ZNF804A: variants seen among roughly 807,000 people sequenced by gnomAD.
ZNF804A encodes the protein zinc finger protein 804A.
ZNF804A carries 2 observed loss-of-function variants against 16.5 expected under a neutral mutation model. The observed-to-expected ratio is 0.12, with a 90% confidence interval of 0.05 to 0.38. ZNF804A has a LOEUF of 0.38. ZNF804A is among the 10% of genes least tolerant of loss of function. ZNF804A has a pLI of 0.99. For synonymous variants in ZNF804A, 534 were observed against 489.6 expected, an observed-to-expected ratio of 1.09 and a Z score of -1.20; for missense variants, 1,473 against 1,390.7, an observed-to-expected ratio of 1.06 and a Z score of -0.94.
chr2:184,921,331 T>G (rs187383334), intron 2 of ZNF804A, among the ~76,000 whole-genome samples: 2 of 151,262 alleles, frequency 1.3e-5, no homozygotes, highest in South Asian at 2.1e-4. Context: ...ATTAGGTGAG[T>G]TTTTTTTTAC....
chr2:184,707,622 A>T (rs1693052008), intron 1 of ZNF804A, among the ~76,000 whole-genome samples: 1 of 152,058 alleles, frequency 6.6e-6, no homozygotes, highest in Admixed American at 6.6e-5. Flanking sequence ...ACACGATTTT[A>T]TTCTTTTTAT....
intron 1 of ZNF804A, among the ~76,000 whole-genome samples, chr2:184,698,785 T>C (rs1348024820): frequency 6.6e-6 from 1 of 152,052 alleles, no homozygotes; most frequent in Non-Finnish European, 1.5e-5. Flanking sequence ...CTGAAGAAGT[T>C]CTAAGTGTCA....
intron 1 of ZNF804A, among the ~76,000 whole-genome samples, chr2:184,754,103 G>T (rs191098231): frequency 6.6e-6 from 1 of 151,458 alleles, no homozygotes; most frequent in Non-Finnish European, 1.5e-5. Context: ...CCTTACTTGC[G>T]ACATAAGTTT....
Position 184,790,921 on chromosome 2 carries a change from A to G in ZNF804A, c.112-75448A>G, listed in dbSNP as rs146578716. ...CCCCGCCTCAAACCTTCATTATTATATAATGCCCTTCTTTGTCTTTTTCTC... is the reference window on the plus strand; with the variant it reads ...CCCCGCCTCAAACCTTCATTATTATGTAATGCCCTTCTTTGTCTTTTTCTC... On this transcript the variant is annotated intron_variant, in intron 1 of 3. Transcript: ENST00000302277. Among the ~76,000 whole-genome samples the G allele has an allele frequency of 1.8e-4, 28 of 152,270 alleles. 1 individual carries two copies. In the East Asian group the frequency reaches 4.2e-3, roughly 23 times the overall value.
chr2:184,761,733 G>A (rs560471706), intron 1 of ZNF804A, among the ~76,000 whole-genome samples: 2 of 152,124 alleles, frequency 1.3e-5, no homozygotes, highest in Admixed American at 6.6e-5. Context: ...AATATTAAGT[G>A]GCACAATGAA....
intron 2 of ZNF804A, among the ~76,000 whole-genome samples, chr2:184,888,766 A>G (rs1343934136): frequency 6.6e-6 from 1 of 152,144 alleles, no homozygotes; most frequent in Non-Finnish European, 1.5e-5. Flanking sequence ...AAAAGAAGAA[A>G]AAATGGTAGA....
intron 1 of ZNF804A, among the ~76,000 whole-genome samples, chr2:184,772,922 A>ACC (rs1558957381): frequency 9.0e-6 from 1 of 110,894 alleles, no homozygotes; most frequent in African/African-American, 3.3e-5. Flanking sequence ...ACACACACAC[A>ACC]CCCCACACAC....
intron 1 of ZNF804A, among the ~76,000 whole-genome samples, chr2:184,605,090 A>G (rs1216643983): frequency 1.3e-5 from 2 of 152,164 alleles, no homozygotes; most frequent in African/African-American, 4.8e-5. Flanking sequence ...TATTAAAAGT[A>G]TTATACATAG....
chr2:184,632,665 A>C (rs557318102), intron 1 of ZNF804A, among the ~76,000 whole-genome samples: 65 of 152,348 alleles, frequency 4.3e-4, no homozygotes, highest in African/African-American at 1.5e-3. Flanking sequence ...GGCGTAAGCC[A>C]CCTTGCCCAG....
At chr2:184,761,846 T>C (rs932860772) in intron 1 of ZNF804A, among the ~76,000 whole-genome samples, 2 of 152,140 alleles carry the variant, frequency 1.3e-5, no homozygotes, top group Non-Finnish European at 2.9e-5. Context: ...TTTTAGGATG[T>C]ATGGATCTGG....
chr2:184,794,220 C>T (rs1311128655), intron 1 of ZNF804A, among the ~76,000 whole-genome samples: 1 of 152,032 alleles, frequency 6.6e-6, no homozygotes, highest in Admixed American at 6.6e-5. Context: ...TCACTGCATC[C>T]ACGTCAACAT....
At chr2:184,848,416 G>C (rs1695554273) in intron 1 of ZNF804A, among the ~76,000 whole-genome samples, 1 of 151,920 alleles carries the variant, frequency 6.6e-6, no homozygotes, top group Non-Finnish European at 1.5e-5. Context: ...TTCTATCACT[G>C]TTTCTTCCTG....
chr2:184,872,088 T>C (rs1370983008), intron 2 of ZNF804A, among the ~76,000 whole-genome samples: 4 of 152,134 alleles, frequency 2.6e-5, no homozygotes, highest in Admixed American at 6.5e-5. Flanking sequence ...TAAAAGTAAA[T>C]GTTTTCATTA....
At chr2:184,897,455 C>T (rs1685087715) in intron 2 of ZNF804A, among the ~76,000 whole-genome samples, 1 of 151,454 alleles carries the variant, frequency 6.6e-6, no homozygotes, top group South Asian at 2.1e-4. Flanking sequence ...AATTTTTTCC[C>T]CTTTCCATAC....
intron 1 of ZNF804A, among the ~76,000 whole-genome samples, chr2:184,727,926 ACAT>A (rs967349151): frequency 1.3e-5 from 2 of 151,724 alleles, no homozygotes; most frequent in African/African-American, 4.8e-5. Flanking sequence ...CTGCCCAAGA[ACAT>A]TCAACTGGTA....
intron 1 of ZNF804A, among the ~76,000 whole-genome samples, chr2:184,771,016 A>C (rs531257922): frequency 1.6e-4 from 24 of 152,204 alleles, no homozygotes; most frequent in African/African-American, 5.5e-4. Flanking sequence ...CATGTAAATC[A>C]ACAACAAAAT....
At chr2:184,814,402 A>G (rs1486663910) in intron 1 of ZNF804A, among the ~76,000 whole-genome samples, 1 of 152,066 alleles carries the variant, frequency 6.6e-6, no homozygotes, top group Non-Finnish European at 1.5e-5. Context: ...CAGTTTTCTC[A>G]TTTGTTAAAT....
chr2:184,735,743 A>C (rs1293448302), intron 1 of ZNF804A, among the ~76,000 whole-genome samples: 1 of 152,206 alleles, frequency 6.6e-6, no homozygotes, highest in Non-Finnish European at 1.5e-5. Flanking sequence ...TGGTTTTCCA[A>C]GAGCAGTGTT....
chr2:184,837,734 A>G lies in ZNF804A; in HGVS notation c.112-28635A>G, dbSNP rs1695374795. ...CTTATAGATGCTTAATTTTATTTGA[A>G]TGTGATTTCTTCACTGGAATAAGCT... On this transcript the variant is annotated intron_variant, in intron 1 of 3. Coordinates refer to ENST00000302277, the MANE Select transcript of ZNF804A (RefSeq NM_194250.2). 2.6e-5 allele frequency among the ~76,000 whole-genome samples: 4 copies of G among 152,166 alleles called. No homozygotes were observed. In the South Asian group the frequency reaches 8.3e-4, roughly 32 times the overall value.
Sources: gnomAD v4.1 joint callset for allele counts (sites outside exome capture counted in the v4.1 genomes callset) on GRCh38, gnomAD v4.1.1 for gene constraint, MANE v1.5 for transcripts, NCBI Gene and HGNC (gene_info 2026-07-23, HGNC 2026-07-21) for gene names.